The following LRP1B variants were observed in gnomAD, a reference collection of about 807,000 sequenced individuals.
The protein encoded by LRP1B is LDL receptor related protein 1B.
Under a neutral mutation model 556.6 loss-of-function variants are expected in LRP1B, and 217 were observed. The ratio of observed to expected loss-of-function variants is 0.39; its 90% CI spans 0.35 to 0.44. The LOEUF is 0.44. LRP1B is among the 20% of genes least tolerant of loss of function. LRP1B has a pLI of 1.00. For missense variants in LRP1B, 5,053 were observed against 5,620.8 expected (o/e 0.90, Z 3.23); for synonymous variants, 2,047 against 1,865.8 (o/e 1.10, Z -2.50).
intron 7 of LRP1B, among the ~76,000 whole-genome samples, chr2:141,064,656 A>G (rs1699431320): frequency 6.6e-6 from 1 of 151,958 alleles, no homozygotes; most frequent in Non-Finnish European, 1.5e-5. Flanking sequence ...AGTTGCAGCT[A>G]TTGAGTGCCT....
rs2105343569 is a variant in LRP1B, at chr2:140,982,178, C to T, written c.2869G>A (p.Asp957Asn). Reference sequence around the variant, plus strand: ...AACTTACCACAAGATGCCATTTCATCTGTCTGGTCACCACAGTCGTCTTCC... The same window carrying T: ...AACTTACCACAAGATGCCATTTCATTTGTCTGGTCACCACAGTCGTCTTCC... ...DREDDCGDQT[D>N]EMASCEFPTC... Residue 957 changes from aspartate to asparagine, a missense_variant, in exon 18 of 91, where the codon GAT becomes AAT. Physicochemically the swap from Asp to Asn is conservative, Grantham distance 23. Around this residue, in one of 5 missense-constraint regions of LRP1B, gnomAD observed 3,619 missense variants for 3,931.9 expected, o/e 0.92. Coordinates refer to ENST00000389484, the MANE Select transcript of LRP1B (RefSeq NM_018557.3). 1 of 1,613,074 alleles carries T rather than the reference C, an allele frequency of 6.2e-7. No individual in the cohort carries two copies.
At chr2:141,495,622 T>A (rs1683483039) in intron 2 of LRP1B, among the ~76,000 whole-genome samples, 1 of 152,144 alleles carries the variant, frequency 6.6e-6, no homozygotes, top group Admixed American at 6.6e-5. Flanking sequence ...TGTAAGAGAA[T>A]GCTGAAGAAG....
At chr2:141,760,383 T>C (rs1291591349) in intron 2 of LRP1B, among the ~76,000 whole-genome samples, 1 of 152,206 alleles carries the variant, frequency 6.6e-6, no homozygotes, top group Non-Finnish European at 1.5e-5. Flanking sequence ...TCATAATAGA[T>C]GTATTCATAA....
At chr2:140,647,766 G>T (rs6743810) in intron 41 of LRP1B, among the ~76,000 whole-genome samples, 3 of 152,102 alleles carry the variant, frequency 2.0e-5, no homozygotes, top group African/African-American at 4.8e-5. Context: ...TTAGAATGGC[G>T]ATCATTAAAA....
chr2:141,777,673 C>T (rs1021489916), intron 2 of LRP1B, among the ~76,000 whole-genome samples: 3 of 152,072 alleles, frequency 2.0e-5, no homozygotes, highest in Non-Finnish European at 4.4e-5. Context: ...TCTCGGCCTC[C>T]CAAATTGCTG....
intron 83 of LRP1B, 41 bp downstream of exon 83, chr2:140,314,886 TAAGGAAAA>T: frequency 1.4e-6 from 2 of 1,416,342 alleles, no homozygotes; most frequent in Non-Finnish European, 1.9e-6. Context: ...GATTCATATA[TAAGGAAAA>T]GTGAAAAAGA....
intron 2 of LRP1B, among the ~76,000 whole-genome samples, chr2:141,690,002 G>A (rs1008987808): frequency 1.3e-5 from 2 of 151,474 alleles, no homozygotes; most frequent in Non-Finnish European, 3.0e-5. Flanking sequence ...ATTTTGAAAA[G>A]GTTACAAGTC....
At chr2:140,764,047 T>A (rs1308929256) in intron 35 of LRP1B, among the ~76,000 whole-genome samples, 1 of 152,178 alleles carries the variant, frequency 6.6e-6, no homozygotes, top group Admixed American at 6.6e-5. Flanking sequence ...TCTTAAACTA[T>A]TGCTGCTACT....
intron 7 of LRP1B, among the ~76,000 whole-genome samples, chr2:141,128,827 T>C (rs1701281131): frequency 6.6e-6 from 1 of 152,282 alleles, no homozygotes; most frequent in South Asian, 2.1e-4. Flanking sequence ...AACATTACAT[T>C]TGAAGAACAA....
At chr2:140,415,154 T>C (rs1411515022) in intron 66 of LRP1B, among the ~76,000 whole-genome samples, 1 of 152,182 alleles carries the variant, frequency 6.6e-6, no homozygotes, top group Non-Finnish European at 1.5e-5. Context: ...AGACCGGTTC[T>C]CTGCTCGTGA....
chr2:141,852,406 A>T (rs1697896404), intron 1 of LRP1B, among the ~76,000 whole-genome samples: 1 of 151,778 alleles, frequency 6.6e-6, no homozygotes, highest in Non-Finnish European at 1.5e-5. Context: ...ATATACAAAC[A>T]TGCATATATG....
intron 89 of LRP1B, among the ~76,000 whole-genome samples, chr2:140,237,541 A>G (rs1680762092): frequency 6.6e-6 from 1 of 150,910 alleles, no homozygotes; most frequent in South Asian, 2.1e-4. Flanking sequence ...GTCTGAAGTG[A>G]TGAAAACAAA....
intron 2 of LRP1B, among the ~76,000 whole-genome samples, chr2:141,631,063 T>C (rs942071265): frequency 6.6e-6 from 1 of 152,156 alleles, no homozygotes; most frequent in Non-Finnish European, 1.5e-5. Flanking sequence ...TTTAATTGAC[T>C]CACAGTTCTC....
In LRP1B at chr2:140,770,497, T is replaced by A. The variant is rs148172358; in HGVS notation, c.5626+384A>T. 5.4e-3 allele frequency among the ~76,000 whole-genome samples: 815 copies of A among 152,108 alleles called. 2 individuals carry two copies. Among genetic ancestry groups the A allele is most frequent in the Middle Eastern group, 0.014 (4 of 294 alleles). ...ACCTGAGACCTCACATTCTCTCTAG[T>A]GCTTCCTCTAATATAGTCTAAAGTA... On this transcript the variant is annotated intron_variant, in intron 34 of 90. Coordinates refer to ENST00000389484, the MANE Select transcript of LRP1B (RefSeq NM_018557.3).
At chr2:140,818,950 A>T (rs1402976411) in intron 31 of LRP1B, among the ~76,000 whole-genome samples, 1 of 151,666 alleles carries the variant, frequency 6.6e-6, no homozygotes, top group African/African-American at 2.4e-5. Context: ...AAAAAAAAAA[A>T]AAAAAAAAAA....
intron 7 of LRP1B, among the ~76,000 whole-genome samples, chr2:141,173,792 CTCAA>C (rs950693812): frequency 4.6e-5 from 7 of 152,028 alleles, no homozygotes; most frequent in African/African-American, 1.7e-4. Context: ...GAAGCACCAA[CTCAA>C]TCAATCTTGA....
chr2:140,399,439 G>C (rs1684399116), intron 66 of LRP1B, among the ~76,000 whole-genome samples: 1 of 151,952 alleles, frequency 6.6e-6, no homozygotes, highest in African/African-American at 2.4e-5. Flanking sequence ...ATATAGATAA[G>C]GATGTTATAA....
chr2:140,658,255 C>T (rs1684960334), intron 41 of LRP1B, among the ~76,000 whole-genome samples: 1 of 151,954 alleles, frequency 6.6e-6, no homozygotes, highest in African/African-American at 2.4e-5. Flanking sequence ...GGTCTTTTCA[C>T]ATTGATAATA....
intron 5 of LRP1B, among the ~76,000 whole-genome samples, chr2:141,245,864 TTC>T (rs2105324420): frequency 6.6e-6 from 1 of 152,244 alleles, no homozygotes; most frequent in Admixed American, 6.5e-5. Context: ...GACAAGTTTA[TTC>T]TCTCTTTCCT....
Sources: gnomAD v4.1 joint callset for allele counts (sites outside exome capture counted in the v4.1 genomes callset) on GRCh38, gnomAD v4.1.1 for gene constraint, gnomAD v4.1.1 regional missense constraint, MANE v1.5 for transcripts, NCBI Gene and HGNC (gene_info 2026-07-23, HGNC 2026-07-21) for gene names.